SORCS3: variants seen among roughly 807,000 people sequenced by gnomAD.
SORCS3 encodes the protein sortilin related VPS10 domain containing receptor 3, also known as VPS10 domain-containing receptor SorCS3.
In SORCS3, 57 loss-of-function variants were observed where a neutral mutation model predicts 146.3. That is an observed-to-expected ratio of 0.39 (90% CI 0.31 to 0.49). The LOEUF is 0.49. Ranked by LOEUF, SORCS3 falls within the 20% of genes least tolerant of loss-of-function variation. The pLI is 0.92. For synonymous variants in SORCS3, 653 were observed against 618.5 expected, an observed-to-expected ratio of 1.06 and a Z score of -0.83; for missense variants, 1,341 against 1,575.5, an observed-to-expected ratio of 0.85 and a Z score of 2.52.
In SORCS3 at chr10:105,103,570, G is replaced by A. The variant is rs143845394; in HGVS notation, c.1094-1827G>A. 2.6e-4 allele frequency among the ~76,000 whole-genome samples: 40 copies of A among 152,308 alleles called. 1 individual carries two copies. Among genetic ancestry groups the A allele is most frequent in the African/African-American group, 8.9e-4 (37 of 41,578 alleles). ...AAAGTGTCCCAGGCAAAGAGCACAG[G>A]TAATGGAGGGAAGAGAAGAAACTCT... is the stretch of plus-strand genomic sequence containing the variant. On this transcript the variant is annotated intron_variant, in intron 6 of 26. Transcript: ENST00000369701.
chr10:104,705,339 TC>T (rs754923293), intron 1 of SORCS3, among the ~76,000 whole-genome samples: 17 of 151,704 alleles, frequency 1.1e-4, no homozygotes, highest in Non-Finnish European at 2.1e-4. Context: ...ATTTTTTTTT[TC>T]ATGGAATAGA....
chr10:104,938,418 C>T (rs553650969), intron 3 of SORCS3, among the ~76,000 whole-genome samples: 1 of 152,300 alleles, frequency 6.6e-6, no homozygotes, highest in East Asian at 1.9e-4. Context: ...AAAGCTCCTT[C>T]GTAATGTACA....
Position 104,641,300 on chromosome 10 carries a change from C to A in SORCS3, c.-28C>A. 1 of 1,269,476 alleles carries A rather than the reference C, an allele frequency of 7.9e-7. No homozygotes were observed. Among genetic ancestry groups the A allele is most frequent in the South Asian group, 2.7e-5 (1 of 37,408 alleles). 78.6% of individuals were successfully genotyped at this position (1,269,476 alleles called of 1,614,324 possible). On this transcript the variant is annotated 5_prime_UTR_variant, in exon 1 of 27. Transcript: ENST00000369701. This position sits in a 1 kb window ranked among gnomAD's most constrained non-coding sequence, Gnocchi z 6.4. ...ACCTCGGCGGGCGCCACACACTCGG[C>A]AGCCCGAGCCGCGGTAGCCGCAGCG...
chr10:105,110,038 G>A (rs1271923146), intron 7 of SORCS3, among the ~76,000 whole-genome samples: 1 of 151,886 alleles, frequency 6.6e-6, no homozygotes, highest in East Asian at 1.9e-4. Context: ...AGACAGGAAA[G>A]ACAAAAGAGA....
chr10:104,810,949 A>C (rs112994208), intron 1 of SORCS3, among the ~76,000 whole-genome samples: 4 of 152,254 alleles, frequency 2.6e-5, no homozygotes, highest in African/African-American at 9.6e-5. Context: ...TGCATTTTTC[A>C]AAACTCATAG....
Position 104,983,798 on chromosome 10 carries a change from A to G in SORCS3, c.954+6305A>G, listed in dbSNP as rs146594344. On this transcript the variant is annotated intron_variant, in intron 4 of 26. Transcript: ENST00000369701. The stretch of plus-strand genomic sequence containing the variant: ...ATGACCTTAAGCTCTTGTCTGCCCG[A>G]CCAGGCCAGGCCACTTATGCTCCCT... Among the ~76,000 whole-genome samples, 409 of 151,998 alleles carry G rather than the reference A, an allele frequency of 2.7e-3. 1 individual carries two copies. Among genetic ancestry groups the G allele is most frequent in the Non-Finnish European group, 5.1e-3 (344 of 67,980 alleles).
In SORCS3 at chr10:105,217,118, G is replaced by C; in HGVS notation, c.2730G>C (p.Val910=). ...ACACAGCTGTCCTCTTCCTGCATGT[G>C]GTTTGTAAGTAGGAGGCACCATCCC... is the stretch of plus-strand genomic sequence containing the variant. ...GSDTAVLFLH[V]VCPVEHVHLR... The change falls in exon 19 of 27, where the codon GTG becomes GTC. Residue 910 remains valine (V), a synonymous_variant. Transcript: ENST00000369701. The C allele has an allele frequency of 6.2e-7, 1 of 1,613,774 alleles. No homozygotes were observed. Among genetic ancestry groups the C allele is most frequent in the East Asian group, 2.2e-5 (1 of 44,868 alleles).
chr10:104,888,728 A>G (rs2018718634), intron 2 of SORCS3, among the ~76,000 whole-genome samples: 1 of 152,210 alleles, frequency 6.6e-6, no homozygotes, highest in South Asian at 2.1e-4. Context: ...GTAGAGAAAG[A>G]CAAATAGGGT....
chr10:105,087,322 T>C (rs1218546778), intron 5 of SORCS3, among the ~76,000 whole-genome samples: 1 of 152,192 alleles, frequency 6.6e-6, no homozygotes, highest in Non-Finnish European at 1.5e-5. Context: ...GTTGTTTGGT[T>C]ACTGTAGCCT....
intron 2 of SORCS3, among the ~76,000 whole-genome samples, chr10:104,875,924 A>G (rs1212181606): frequency 1.3e-5 from 2 of 152,174 alleles, no homozygotes; most frequent in African/African-American, 4.8e-5. Context: ...CTCACATGGC[A>G]AAAGGAAAAT....
chr10:104,725,393 G>T (rs899389693), intron 1 of SORCS3, among the ~76,000 whole-genome samples: 8 of 152,214 alleles, frequency 5.3e-5, no homozygotes, highest in Non-Finnish European at 1.0e-4. Flanking sequence ...CCTACTGGGG[G>T]TTGCCTCCCA....
intron 1 of SORCS3, among the ~76,000 whole-genome samples, chr10:104,689,334 C>T (rs1332816960): frequency 6.6e-6 from 1 of 152,158 alleles, no homozygotes; most frequent in Non-Finnish European, 1.5e-5. Flanking sequence ...ACTTGGCCTT[C>T]AGGACTCTTA....
chr10:105,019,604 A>G (rs911891216), intron 4 of SORCS3, among the ~76,000 whole-genome samples: 7 of 152,194 alleles, frequency 4.6e-5, no homozygotes, highest in Admixed American at 1.3e-4. Context: ...CTGAAGCTGA[A>G]CATTCCTCTC....
chr10:104,997,941 G>A (rs948340232), intron 4 of SORCS3, among the ~76,000 whole-genome samples: 2 of 152,140 alleles, frequency 1.3e-5, no homozygotes, highest in African/African-American at 4.8e-5. Context: ...ACCCAGTAAA[G>A]TTCTGAGATG....
At chr10:105,067,626 G>C (rs930818551) in intron 5 of SORCS3, among the ~76,000 whole-genome samples, 1 of 152,172 alleles carries the variant, frequency 6.6e-6, no homozygotes, top group African/African-American at 2.4e-5. Flanking sequence ...TAGTTGTAAT[G>C]AATGTGCTTC....
At chr10:104,673,397 AT>A (rs949262966) in intron 1 of SORCS3, among the ~76,000 whole-genome samples, 5 of 151,736 alleles carry the variant, frequency 3.3e-5, no homozygotes, top group African/African-American at 1.2e-4. Flanking sequence ...TAGTAAAAAA[AT>A]GTAAGTTTAT....
At chr10:105,025,679 G>A (rs555413894) in intron 4 of SORCS3, among the ~76,000 whole-genome samples, 64 of 152,158 alleles carry the variant, frequency 4.2e-4, no homozygotes, top group African/African-American at 1.5e-3. Context: ...ATAGTCGCCT[G>A]TTTGGTTGTT....
intron 1 of SORCS3, among the ~76,000 whole-genome samples, chr10:104,748,283 C>A (rs2016939448): frequency 6.6e-6 from 1 of 152,132 alleles, no homozygotes; most frequent in African/African-American, 2.4e-5. Context: ...AAATAATAAA[C>A]TATTAGATCT....
chr10:104,765,187 C>G (rs2017165416), intron 1 of SORCS3, among the ~76,000 whole-genome samples: 1 of 152,220 alleles, frequency 6.6e-6, no homozygotes, highest in Non-Finnish European at 1.5e-5. Flanking sequence ...CTTAACCATA[C>G]TTCCTCTGTC....
Sources: gnomAD v4.1 joint callset for allele counts (sites outside exome capture counted in the v4.1 genomes callset) on GRCh38, gnomAD v4.1.1 for gene constraint, Gnocchi (gnomAD v3.1) non-coding constraint, MANE v1.5 for transcripts, NCBI Gene and HGNC (gene_info 2026-07-23, HGNC 2026-07-21) for gene names.